Variants in NUP155 observed in about 807,000 individuals in gnomAD.
The protein encoded by NUP155 is nuclear pore complex protein Nup155.
NUP155 carries 71 observed loss-of-function variants against 180.4 expected under a neutral mutation model. The observed-to-expected ratio is 0.39, with a 90% CI of 0.33 to 0.48. NUP155 has a LOEUF of 0.48. NUP155 is among the 20% of genes least tolerant of loss of function. The pLI is 0.91. For synonymous variants in NUP155, 582 were observed against 559.5 expected, an observed-to-expected ratio of 1.04 and a Z score of -0.57; for missense variants, 1,553 against 1,648.9, an observed-to-expected ratio of 0.94 and a Z score of 1.01.
intron 24 of NUP155, among the ~76,000 whole-genome samples, chr5:37,308,874 TCAAAAAAAA>T (rs1246490075): frequency 5.0e-5 from 2 of 39,758 alleles, no homozygotes; most frequent in African/African-American, 1.7e-4. Context: ...AGCGAGACTC[TCAAAAAAAA>T]AAAAAAAAAA....
Position 37,371,083 on chromosome 5 carries a change from A to C in NUP155, c.-106T>G. 8.3e-7 allele frequency: 1 copy of C among 1,206,282 alleles called. No homozygotes were observed. Among genetic ancestry groups the C allele is most frequent in the Non-Finnish European group, 1.2e-6 (1 of 843,504 alleles). The allele number at this position is 1,206,282 out of a possible 1,614,324, so 74.7% of individuals were successfully genotyped here. ...ATCCGCCGCCTAGGGCGCGCGCGCC[A>C]AACGAGCGCCTTGGCGCCTCGACAT... On this transcript the variant is annotated 5_prime_UTR_variant, in exon 1 of 35. Coordinates refer to ENST00000231498, the MANE Select transcript of NUP155 (RefSeq NM_153485.3).
intron 1 of NUP155, among the ~76,000 whole-genome samples, chr5:37,366,939 C>T (rs780377316): frequency 2.6e-5 from 4 of 151,570 alleles, no homozygotes; most frequent in Non-Finnish European, 4.4e-5. Flanking sequence ...CGTGAGCCAC[C>T]GTGCCCGGCC....
Position 37,333,423 on chromosome 5 carries a change from C to T in NUP155, c.1518+40G>A, listed in dbSNP as rs150619. On this transcript the variant is annotated intron_variant, in intron 13 of 34. Coordinates refer to ENST00000231498, the MANE Select transcript of NUP155 (RefSeq NM_153485.3). ...AGAACTTGACAAAAATATTATACAT[C>T]GCTTATTTTTGTCACTACCATAACA... The T allele has an allele frequency of 5.5e-3, 8,452 of 1,545,212 alleles. 410 individuals are homozygous for T. The African/African-American group carries it at 0.1, about 19-fold the overall frequency.
chr5:37,328,564 C>T (rs947062363), intron 16 of NUP155, 144 bp from the exon 17 acceptor site: 5 of 641,042 alleles, frequency 7.8e-6, no homozygotes, highest in Non-Finnish European at 1.4e-5. Context: ...AGTGCAGTGG[C>T]ATGATCTCGG....
At chr5:37,308,928 T>C (rs1414523153) in intron 24 of NUP155, among the ~76,000 whole-genome samples, 1 of 143,776 alleles carries the variant, frequency 7.0e-6, no homozygotes, top group Admixed American at 6.9e-5. Context: ...AGAAAGAACA[T>C]TACAGCTTCT....
intron 32 of NUP155, among the ~76,000 whole-genome samples, chr5:37,295,503 C>T (rs902270234): frequency 8.6e-5 from 13 of 151,772 alleles, no homozygotes; most frequent in Non-Finnish European, 1.3e-4. Context: ...TCTGCCTGGC[C>T]GCCCATCGTC....
intron 12 of NUP155, among the ~76,000 whole-genome samples, chr5:37,336,174 A>T (rs1417876514): frequency 1.3e-5 from 2 of 152,172 alleles, no homozygotes; most frequent in Non-Finnish European, 2.9e-5. Context: ...TATGACATGC[A>T]GCATTTGTTC....
intron 34 of NUP155, among the ~76,000 whole-genome samples, 153 bp downstream of exon 34, chr5:37,292,726 C>T (rs1194045946): frequency 6.6e-6 from 1 of 152,164 alleles, no homozygotes; most frequent in Non-Finnish European, 1.5e-5. Context: ...ATGGAAAAAA[C>T]TCCTATTTTT....
At chr5:37,321,367 A>G (rs2150958209) in intron 20 of NUP155, among the ~76,000 whole-genome samples, 1 of 152,038 alleles carries the variant, frequency 6.6e-6, no homozygotes, top group South Asian at 2.1e-4. Context: ...AACCAAAACA[A>G]TAAACCACAT....
At position 37,309,152 on chromosome 5, in the gene NUP155, T is replaced by C. The variant is rs372477220; in HGVS notation, c.2744A>G (p.Asn915Ser). The change falls in exon 24 of 35, where the codon AAT becomes AGT. Residue 915 changes from asparagine to serine, a missense_variant. Physicochemically the swap from Asn to Ser is conservative, Grantham distance 46 (BLOSUM62 1). Transcript: ENST00000231498. The part of the protein sequence containing the change: ...QKISNQVDLS[N>S]VCAQYRQVRF... The stretch of plus-strand genomic sequence containing the variant: ...ACCTTGTCTATACTGAGCACAAACA[T>C]TGGAAAGGTCCACTTGATTGCTAAT... The C allele has an allele frequency of 6.2e-6, 10 of 1,613,660 alleles. No homozygotes were observed. In the Admixed American group the frequency reaches 6.7e-5, roughly 11 times the overall value.
At chr5:37,296,881 A>G (rs1210482316) in intron 32 of NUP155, among the ~76,000 whole-genome samples, 1 of 152,130 alleles carries the variant, frequency 6.6e-6, no homozygotes, top group Non-Finnish European at 1.5e-5. Context: ...AGTAACAGCC[A>G]AATTTATAGT....
intron 20 of NUP155, among the ~76,000 whole-genome samples, chr5:37,321,075 G>A (rs898001235): frequency 6.6e-6 from 1 of 151,864 alleles, no homozygotes; most frequent in Non-Finnish European, 1.5e-5. Context: ...TAGACCAGAT[G>A]CAGTGGCTCA....
At chr5:37,292,815 T>C (rs2150934006) in intron 34 of NUP155, 64 bp downstream of exon 34, 1 of 992,764 alleles carries the variant, frequency 1.0e-6, no homozygotes, top group Admixed American at 1.8e-5. Flanking sequence ...TCAAATTTTT[T>C]ACCCAGGTAT....
intron 5 of NUP155, among the ~76,000 whole-genome samples, chr5:37,352,372 C>CAAACAAAA (rs1171701330): frequency 6.6e-5 from 10 of 151,418 alleles, no homozygotes; most frequent in Non-Finnish European, 1.3e-4. Flanking sequence ...AACAAACAAA[C>CAAACAAAA]AAACAAAAAA....
chr5:37,327,495 T>C lies in NUP155; in HGVS notation c.2024+134A>G, dbSNP rs1007945579. The C allele has an allele frequency of 9.0e-6, 8 of 888,246 alleles. No homozygotes were observed. In the African/African-American group the frequency reaches 1.3e-4, roughly 15 times the overall value. 55.0% of individuals were successfully genotyped at this position (888,246 alleles called of 1,614,324 possible). On this transcript the variant is annotated intron_variant, in intron 18 of 34. Coordinates refer to ENST00000231498, the MANE Select transcript of NUP155 (RefSeq NM_153485.3). ...ACAAAAACTGGAATAATAGAAAAGT[T>C]TTATTGATCAACAAGTGAGCTAAAA...
chr5:37,341,830 G>A (rs544887471), intron 10 of NUP155, among the ~76,000 whole-genome samples: 17 of 152,224 alleles, frequency 1.1e-4, no homozygotes, highest in South Asian at 1.0e-3. Context: ...GTGAGCCACC[G>A]CACCCGGCTC....
chr5:37,309,710 T>G, intron 23 of NUP155: 2 of 179,042 alleles, frequency 1.1e-5, no homozygotes, highest in Non-Finnish European at 1.2e-5. Context: ...TTAGTGATTT[T>G]TCTTAATTTC....
At chr5:37,332,034 A>G (rs867988633) in intron 13 of NUP155, among the ~76,000 whole-genome samples, 1 of 152,060 alleles carries the variant, frequency 6.6e-6, no homozygotes, top group Non-Finnish European at 1.5e-5. Flanking sequence ...CTACTTCTCT[A>G]CTCAACCTCC....
chr5:37,312,856 ATTG>A (rs985788555), intron 22 of NUP155, among the ~76,000 whole-genome samples: 1 of 149,866 alleles, frequency 6.7e-6, no homozygotes, highest in African/African-American at 2.5e-5. Flanking sequence ...TGATCATGAC[ATTG>A]TTGTTGTTCA....
Sources: gnomAD v4.1 joint callset for allele counts (sites outside exome capture counted in the v4.1 genomes callset) on GRCh38, gnomAD v4.1.1 for gene constraint, MANE v1.5 for transcripts, NCBI Gene and HGNC (gene_info 2026-07-23, HGNC 2026-07-21) for gene names.